RGS17: variants seen among roughly 807,000 people sequenced by gnomAD.
RGS17 encodes regulator of G protein signaling 17.
Under a neutral mutation model 25.5 loss-of-function variants are expected in RGS17, and 12 were observed. That is an observed-to-expected ratio of 0.47 (90% CI 0.30 to 0.76). The LOEUF (loss-of-function observed/expected upper bound fraction) is 0.76, where lower values mean the gene tolerates loss of function less well. Among genes scored for constraint, RGS17 ranks in the 30% least tolerant of loss-of-function variants. The probability of loss-of-function intolerance (pLI) is 0.07; values close to 1 mark genes in which losing one functional copy is unlikely to be tolerated. For synonymous variants in RGS17, 71 were observed against 76.9 expected, an observed-to-expected ratio of 0.92 and a Z score of 0.40; for missense variants, 196 against 242.2, an observed-to-expected ratio of 0.81 and a Z score of 1.27.
At chr6:153,047,667 TGA>T (rs1396348924) in intron 1 of RGS17, among the ~76,000 whole-genome samples, 1 of 152,164 alleles carries the variant, frequency 6.6e-6, no homozygotes, top group Non-Finnish European at 1.5e-5. Context: ...CCCCACCATG[TGA>T]GGATACAGAA....
intron 1 of RGS17, among the ~76,000 whole-genome samples, chr6:153,067,806 C>G (rs556000994): frequency 6.6e-6 from 1 of 152,192 alleles, no homozygotes; most frequent in South Asian, 2.1e-4. Context: ...ATAGTAAAAG[C>G]TATCTTAAAA....
Position 153,024,250 on chromosome 6 carries a change from C to G in RGS17, c.444+12G>C, listed in dbSNP as rs1340042244. On this transcript the variant is annotated intron_variant, in intron 4 of 4. Transcript: ENST00000206262. ...CTTAGGAAGCCCACCTCAATGTTTT[C>G]CAGATTTTTACCTCTTTTGGTGATA... The G allele has an allele frequency of 3.2e-6, 5 of 1,577,170 alleles. No homozygotes were observed. In the African/African-American group the frequency reaches 5.4e-5, roughly 17 times the overall value.
intron 1 of RGS17, among the ~76,000 whole-genome samples, chr6:153,090,148 T>C (rs1206530971): frequency 1.3e-5 from 2 of 152,156 alleles, no homozygotes; most frequent in African/African-American, 4.8e-5. Context: ...TAAAAATTAT[T>C]ATCAATTTAT....
chr6:153,115,794 A>T (rs1169394638), intron 1 of RGS17, among the ~76,000 whole-genome samples: 1 of 152,208 alleles, frequency 6.6e-6, no homozygotes, highest in African/African-American at 2.4e-5. Context: ...CTGATCTTTG[A>T]CAAACCTGAG....
At chr6:153,090,480 G>A (rs1468777433) in intron 1 of RGS17, among the ~76,000 whole-genome samples, 6 of 149,416 alleles carry the variant, frequency 4.0e-5, no homozygotes, top group Non-Finnish European at 7.4e-5. Context: ...GTAGCCAGCC[G>A]TGGTGGCACA....
intron 1 of RGS17, among the ~76,000 whole-genome samples, chr6:153,125,250 CA>C (rs545963682): frequency 6.6e-5 from 10 of 152,224 alleles, no homozygotes; most frequent in Non-Finnish European, 1.2e-4. Flanking sequence ...TTGTGAACCA[CA>C]ATCATTGACT....
At chr6:153,097,033 C>T (rs1044113826) in intron 1 of RGS17, among the ~76,000 whole-genome samples, 1 of 152,070 alleles carries the variant, frequency 6.6e-6, no homozygotes, top group Non-Finnish European at 1.5e-5. Context: ...CAGAACAAAA[C>T]GTAATAGCTT....
At chr6:153,060,973 G>A (rs2129114805) in intron 1 of RGS17, among the ~76,000 whole-genome samples, 1 of 152,230 alleles carries the variant, frequency 6.6e-6, no homozygotes, top group Non-Finnish European at 1.5e-5. Context: ...TGTTAAATGA[G>A]TGAAAAAAGG....
chr6:153,126,891 T>C (rs761490085), intron 1 of RGS17, among the ~76,000 whole-genome samples: 5 of 152,212 alleles, frequency 3.3e-5, no homozygotes, highest in Non-Finnish European at 7.3e-5. Flanking sequence ...AATTTTAATT[T>C]CTTGAGAAAC....
chr6:153,103,344 T>C (rs1330580362), intron 1 of RGS17, among the ~76,000 whole-genome samples: 1 of 152,188 alleles, frequency 6.6e-6, no homozygotes, highest in Non-Finnish European at 1.5e-5. Context: ...ATGCCATAAT[T>C]ATTACCACTG....
rs906963336 is a variant in RGS17 at position 153,009,581 on chromosome 6, G to A, written c.*1993C>T. The stretch of plus-strand genomic sequence containing the variant: ...AAACTTATTCAAATAGTATTTAAAT[G>A]ACATGAATAAAATATGTCTTAACAC... On this transcript the variant is annotated 3_prime_UTR_variant, in exon 5 of 5. Coordinates refer to ENST00000206262, the MANE Select transcript of RGS17 (RefSeq NM_012419.5). 1.3e-5 allele frequency: 2 copies of A among 151,580 alleles called. No individual in the cohort carries two copies. The highest frequency in any genetic ancestry group is 4.2e-4 in the South Asian group (2 of 4,816). The allele number at this position is 151,580 out of a possible 1,614,324, so 9.4% of individuals were successfully genotyped here. A position where few individuals can be genotyped will look rare whatever the true frequency, so the allele number is the denominator to read the frequency against.
At chr6:153,037,043 C>T (rs1776253873) in intron 2 of RGS17, among the ~76,000 whole-genome samples, 1 of 152,106 alleles carries the variant, frequency 6.6e-6, no homozygotes, top group African/African-American at 2.4e-5. Context: ...GATTATTTGT[C>T]ATTGCCTATC....
intron 1 of RGS17, among the ~76,000 whole-genome samples, chr6:153,113,142 A>C (rs1388626788): frequency 6.6e-6 from 1 of 152,228 alleles, no homozygotes; most frequent in Non-Finnish European, 1.5e-5. Flanking sequence ...AATTGGATGA[A>C]GAATCACGAC....
At chr6:153,113,891 GA>G (rs1162718257) in intron 1 of RGS17, among the ~76,000 whole-genome samples, 1 of 152,088 alleles carries the variant, frequency 6.6e-6, no homozygotes, top group Non-Finnish European at 1.5e-5. Flanking sequence ...TGAGAACAAA[GA>G]CACAAAGTAC....
intron 4 of RGS17, among the ~76,000 whole-genome samples, chr6:153,017,278 A>G (rs2129105931): frequency 6.6e-6 from 1 of 152,238 alleles, no homozygotes; most frequent in South Asian, 2.1e-4. Context: ...GTGACTTTGC[A>G]ATAGGTCTCG....
rs1481491073 is a variant in RGS17 at position 153,007,404 on chromosome 6, A to C, written c.*4170T>G. On this transcript the variant is annotated 3_prime_UTR_variant, in exon 5 of 5. Transcript: ENST00000206262. ...AAAACACAAAAATACATGTTTGAAA[A>C]ATATACTTAGAAAATTATGGTTGTA... The C allele has an allele frequency of 1.3e-5, 2 of 152,170 alleles. No individual in the cohort carries two copies. The highest frequency in any genetic ancestry group is 2.9e-5 in the Non-Finnish European group (2 of 68,038). The allele number at this position is 152,170 out of a possible 1,614,324, so 9.4% of individuals were successfully genotyped here. A position where few individuals can be genotyped will look rare whatever the true frequency, so the allele number is the denominator to read the frequency against.
chr6:153,087,876 A>G (rs655247), intron 1 of RGS17, among the ~76,000 whole-genome samples: 136,839 of 152,218 alleles, frequency 0.9, 61,583 homozygotes, highest in East Asian at 0.97. Context: ...CCTGCCTTCA[A>G]GTATTCCACA....
At chr6:153,122,827 T>C (rs1401763609) in intron 1 of RGS17, among the ~76,000 whole-genome samples, 3 of 151,852 alleles carry the variant, frequency 2.0e-5, no homozygotes, top group Admixed American at 6.6e-5. Flanking sequence ...GAAATACTAA[T>C]AACAATAATA....
intron 1 of RGS17, among the ~76,000 whole-genome samples, chr6:153,077,614 T>G (rs1008095904): frequency 2.6e-5 from 4 of 152,168 alleles, no homozygotes; most frequent in African/African-American, 9.7e-5. Flanking sequence ...AAATTATCAT[T>G]GACAACAAAA....
Sources: gnomAD v4.1 joint callset for allele counts (sites outside exome capture counted in the v4.1 genomes callset) on GRCh38, gnomAD v4.1.1 for gene constraint, MANE v1.5 for transcripts, NCBI Gene and HGNC (gene_info 2026-07-23, HGNC 2026-07-21) for gene names.